Variants in VTI1A observed in about 807,000 individuals in gnomAD.
VTI1A encodes vesicle transport through interaction with t-SNAREs homolog 1A.
VTI1A carries 22 observed loss-of-function variants against 34.9 expected under a neutral mutation model. That is an observed-to-expected ratio of 0.63 (90% CI 0.45 to 0.90). VTI1A has a LOEUF of 0.90. Among genes scored for constraint, VTI1A ranks in the 40% least tolerant of loss-of-function variants. The probability of loss-of-function intolerance (pLI) is 0.00; values close to 1 mark genes in which losing one functional copy is unlikely to be tolerated. For synonymous variants in VTI1A, 87 were observed against 97.3 expected, an observed-to-expected ratio of 0.89 and a Z score of 0.62; for missense variants, 268 against 275.6, an observed-to-expected ratio of 0.97 and a Z score of 0.20.
At chr10:112,732,858 T>A (rs1451930187) in intron 7 of VTI1A, among the ~76,000 whole-genome samples, 5 of 152,198 alleles carry the variant, frequency 3.3e-5, no homozygotes, top group African/African-American at 4.8e-5. Flanking sequence ...CCCCTCCCTC[T>A]GATATGTTTT....
intron 3 of VTI1A, among the ~76,000 whole-genome samples, chr10:112,524,280 G>T (rs1230087772): frequency 6.6e-6 from 1 of 151,920 alleles, no homozygotes; most frequent in African/African-American, 2.4e-5. Flanking sequence ...TAATAGTCTT[G>T]ATTTGTTTTG....
At chr10:112,496,526 G>A (rs770609097) in intron 3 of VTI1A, among the ~76,000 whole-genome samples, 7 of 151,920 alleles carry the variant, frequency 4.6e-5, no homozygotes, top group Non-Finnish European at 8.8e-5. Context: ...AACCGAGATC[G>A]GGCCACTGCA....
intron 5 of VTI1A, among the ~76,000 whole-genome samples, chr10:112,618,036 C>A (rs1205941079): frequency 6.6e-6 from 1 of 152,050 alleles, no homozygotes; most frequent in East Asian, 1.9e-4. Flanking sequence ...TGCCTGTAAT[C>A]CCAGCTACTT....
At chr10:112,535,928 T>C (rs1850600720) in intron 4 of VTI1A, among the ~76,000 whole-genome samples, 1 of 152,226 alleles carries the variant, frequency 6.6e-6, no homozygotes, top group African/African-American at 2.4e-5. Flanking sequence ...GTAAAGCTGC[T>C]GATAAACTGA....
intron 1 of VTI1A, among the ~76,000 whole-genome samples, chr10:112,457,227 G>A (rs556289302): frequency 6.6e-6 from 1 of 152,326 alleles, no homozygotes; most frequent in East Asian, 1.9e-4. Context: ...CAAATTTTAG[G>A]AAGATTAAAT....
chr10:112,845,005 G>A, the VTI1A span, among the ~76,000 whole-genome samples: 6 of 152,188 alleles, frequency 3.9e-5, no homozygotes, highest in Non-Finnish European at 8.8e-5. Flanking sequence ...CAGTTTCACC[G>A]AGGTCCCACT....
At chr10:112,687,746 A>G (rs1038546455) in intron 7 of VTI1A, among the ~76,000 whole-genome samples, 1 of 151,978 alleles carries the variant, frequency 6.6e-6, no homozygotes, top group Non-Finnish European at 1.5e-5. Flanking sequence ...CTGCTTGCAA[A>G]TAGAGATACA....
chr10:112,724,786 GA>G (rs5787971), intron 7 of VTI1A, among the ~76,000 whole-genome samples: 48,385 of 117,054 alleles, frequency 0.41, 9,460 homozygotes, highest in African/African-American at 0.62. Flanking sequence ...CCCTTTTTTT[GA>G]AAAAAAAAAA....
intron 7 of VTI1A, among the ~76,000 whole-genome samples, chr10:112,745,224 CA>C (rs1463493850): frequency 2.6e-5 from 4 of 151,334 alleles, no homozygotes; most frequent in Non-Finnish European, 5.9e-5. Flanking sequence ...CATGGTTGAT[CA>C]AAACTTGTTT....
intron 7 of VTI1A, among the ~76,000 whole-genome samples, chr10:112,792,732 C>T (rs1471315612): frequency 6.6e-6 from 1 of 152,178 alleles, no homozygotes; most frequent in Non-Finnish European, 1.5e-5. Context: ...TGAATGTTTA[C>T]ATGAGCCTTT....
intron 7 of VTI1A, 90 bp downstream of exon 7, chr10:112,669,088 C>A (rs894417912): frequency 6.9e-7 from 1 of 1,452,948 alleles, no homozygotes; most frequent in Non-Finnish European, 9.5e-7. Context: ...ATATTACATG[C>A]TTTTGAGCTT....
chr10:112,524,331 G>C (rs1850139874), intron 3 of VTI1A, among the ~76,000 whole-genome samples: 1 of 152,050 alleles, frequency 6.6e-6, no homozygotes, highest in East Asian at 1.9e-4. Flanking sequence ...TCAGTTTTCA[G>C]CATTGTTGTG....
intron 5 of VTI1A, among the ~76,000 whole-genome samples, chr10:112,582,795 T>A (rs1002413423): frequency 2.0e-5 from 3 of 152,122 alleles, no homozygotes; most frequent in Non-Finnish European, 4.4e-5. Context: ...GTATAAATAT[T>A]ATTATATTGT....
At chr10:112,455,429 CTTCTTCCCT>C (rs1453302137) in intron 1 of VTI1A, among the ~76,000 whole-genome samples, 271 of 1,352 alleles carry the variant, frequency 0.2, 40 homozygotes, top group Non-Finnish European at 0.29. Flanking sequence ...TCCCCCTTCC[CTTCTTCCCT>C]CCTTCCCTCC....
the VTI1A span, among the ~76,000 whole-genome samples, chr10:112,846,329 T>G: frequency 6.6e-6 from 1 of 152,202 alleles, no homozygotes; most frequent in Admixed American, 6.5e-5. Flanking sequence ...GTGGCTGATG[T>G]GTGCACAAGC....
At chr10:112,584,691 C>G (rs1043355732) in intron 5 of VTI1A, among the ~76,000 whole-genome samples, 15 of 152,210 alleles carry the variant, frequency 9.9e-5, no homozygotes, top group Non-Finnish European at 2.2e-4. Flanking sequence ...CTGTACTAGA[C>G]TCTTGATAAG....
intron 5 of VTI1A, among the ~76,000 whole-genome samples, chr10:112,587,793 A>T (rs969146707): frequency 6.6e-6 from 1 of 152,130 alleles, no homozygotes; most frequent in Non-Finnish European, 1.5e-5. Flanking sequence ...CCTCAGTATT[A>T]GGGGAGAAAA....
In VTI1A at chr10:112,503,006, C is replaced by T. The variant is rs1025217609; in HGVS notation, c.265-24081C>T. 2.6e-5 allele frequency among the ~76,000 whole-genome samples: 4 copies of T among 152,042 alleles called. 1 individual carries two copies. The South Asian group carries it at 6.2e-4, about 24-fold the overall frequency. On this transcript the variant is annotated intron_variant, in intron 3 of 7. Coordinates refer to ENST00000393077, the MANE Select transcript of VTI1A (RefSeq NM_145206.4). ...GTTTGTTTATTTATTTTTATTGATA[C>T]ATAATAGATGTACATATTTTCAGGG... is the stretch of plus-strand genomic sequence containing the variant.
At chr10:112,495,385 A>G (rs762549068) in intron 3 of VTI1A, among the ~76,000 whole-genome samples, 1 of 152,146 alleles carries the variant, frequency 6.6e-6, no homozygotes, top group African/African-American at 2.4e-5. Context: ...CTTTAATTCA[A>G]TCTGTGAATG....
Sources: gnomAD v4.1 joint callset for allele counts (sites outside exome capture counted in the v4.1 genomes callset) on GRCh38, gnomAD v4.1.1 for gene constraint, MANE v1.5 for transcripts, NCBI Gene and HGNC (gene_info 2026-07-23, HGNC 2026-07-21) for gene names.